RIPPLY2: variants seen among roughly 807,000 people sequenced by gnomAD.
RIPPLY2 encodes the protein protein ripply2.
RIPPLY2 carries 20 observed loss-of-function variants against 17.7 expected under a neutral mutation model. The ratio of observed to expected loss-of-function variants is 1.13; its 90% CI spans 0.79 to 1.64. The LOEUF is 1.64. Ranked by LOEUF, RIPPLY2 falls within the 40% of genes most tolerant of loss-of-function variation. RIPPLY2 has a pLI of 0.00. For missense variants in RIPPLY2, 213 were observed against 169.8 expected (o/e 1.25, Z -1.41); for synonymous variants, 69 against 63.9 (o/e 1.08, Z -0.38).
At chr6:83,855,191 A>T (rs1267061877) in intron 3 of RIPPLY2, 1 of 152,198 alleles carries the variant, frequency 6.6e-6, no homozygotes, top group Non-Finnish European at 1.5e-5. Context: ...TAGCAGGGTA[A>T]TCAGAGGCCA....
chr6:83,857,087 G>C (rs2099455093), intron 3 of RIPPLY2, 155 bp from the exon 4 acceptor site: 7 of 421,522 alleles, frequency 1.7e-5, no homozygotes, highest in Admixed American at 1.2e-4. Context: ...TTCCATGAAG[G>C]CTGTGATAGT....
At position 83,853,766 on chromosome 6, in the gene RIPPLY2, C is replaced by T; in HGVS notation, c.167C>T (p.Ala56Val). Reference protein sequence around the residue: ...KKEEETPNHAAEAMPDGPGMT... With the variant: ...KKEEETPNHAVEAMPDGPGMT... The stretch of plus-strand genomic sequence containing the variant: ...GAAGAGGAGACGCCGAACCACGCCG[C>T]GGAGGCGGTGAGTGAGCCACGCGTC... Residue 56 changes from alanine (A) to valine (V), a missense_variant, in exon 2 of 4, where the codon GCG becomes GTG. Coordinates refer to ENST00000369689, the MANE Select transcript of RIPPLY2 (RefSeq NM_001009994.3). The T allele has an allele frequency of 1.9e-6, 3 of 1,612,584 alleles. No homozygotes were observed. In the East Asian group the frequency reaches 6.7e-5, roughly 36 times the overall value.
In RIPPLY2 at chr6:83,853,751, C is replaced by T. The variant is rs778550422; in HGVS notation, c.152C>T (p.Thr51Met). 5 of 1,613,138 alleles carry T rather than the reference C, an allele frequency of 3.1e-6. No individual in the cohort carries two copies. Among genetic ancestry groups the T allele is most frequent in the East Asian group, 2.2e-5 (1 of 44,872 alleles). ...VDAGGKKEEE[T>M]PNHAAEAMPD... ...GCCGGAGGCAAGAAAGAAGAGGAGACGCCGAACCACGCCGCGGAGGCGGTG... is the reference window on the plus strand; with the variant it reads ...GCCGGAGGCAAGAAAGAAGAGGAGATGCCGAACCACGCCGCGGAGGCGGTG... Residue 51 changes from threonine to methionine, a missense_variant, in exon 2 of 4, where the codon ACG becomes ATG. Physicochemically the swap from Thr to Met is moderately conservative, Grantham distance 81 (BLOSUM62 -1). Transcript: ENST00000369689.
At chr6:83,853,615 G>A in intron 1 of RIPPLY2, 80 bp from the exon 2 acceptor site, 1 of 1,558,560 alleles carries the variant, frequency 6.4e-7, no homozygotes, top group African/African-American at 1.4e-5. Flanking sequence ...ACTGCCCGGT[G>A]CCAGCGCTCG....
At chr6:83,853,973 G>C (rs1588553137) in intron 2 of RIPPLY2, 124 bp from the exon 3 acceptor site, 1 of 1,098,644 alleles carries the variant, frequency 9.1e-7, no homozygotes, top group Non-Finnish European at 1.4e-6. Context: ...ACCCAGCCGG[G>C]AGCGAGGCTG....
chr6:83,854,297 T>C, intron 3 of RIPPLY2, 136 bp downstream of exon 3: 1 of 715,608 alleles, frequency 1.4e-6, no homozygotes, highest in Non-Finnish European at 2.5e-6. Context: ...CAAGGTTACT[T>C]ATCTTCTCAC....
Position 83,857,491 on chromosome 6 carries a change from A to G in RIPPLY2, c.*102A>G, listed in dbSNP as rs2099455178. The G allele has an allele frequency of 1.6e-6, 1 of 614,806 alleles. No individual in the cohort carries two copies. The allele number at this position is 614,806 out of a possible 1,614,324, so 38.1% of individuals were successfully genotyped here. A position where few individuals can be genotyped will look rare whatever the true frequency, so the allele number is the denominator to read the frequency against. ...AAACTAATTTATTTGTATATAAATT[A>G]TTAATAAAATGAAATATTTTGTAAT... On this transcript the variant is annotated 3_prime_UTR_variant, in exon 4 of 4. Transcript: ENST00000369689.
intron 2 of RIPPLY2, 82 bp from the exon 3 acceptor site, chr6:83,854,015 C>A: frequency 3.0e-6 from 4 of 1,353,008 alleles, no homozygotes; most frequent in African/African-American, 1.4e-5. Context: ...TCCCAGCGGG[C>A]ACGAGGAACA....
At chr6:83,855,157 A>C (rs2099454796) in intron 3 of RIPPLY2, 1 of 152,292 alleles carries the variant, frequency 6.6e-6, no homozygotes, top group Non-Finnish European at 1.5e-5. Context: ...CAAGGAGTTT[A>C]GGTGTGTGAA....
At chr6:83,854,192 G>T (rs375531731) in intron 3 of RIPPLY2, 31 bp downstream of exon 3, 154 of 1,586,168 alleles carry the variant, frequency 9.7e-5, no homozygotes, top group Non-Finnish European at 1.2e-4. Flanking sequence ...AAGGTCTCCC[G>T]CTCCTCCAGC....
rs1192735612 is a variant in RIPPLY2, at chr6:83,857,324, A to T, written c.322A>T (p.Thr108Ser). The change falls in exon 4 of 4, where the codon ACA becomes TCA. Residue 108 changes from threonine to serine, a missense_variant. Thr to Ser is a moderately conservative substitution (Grantham distance 58). Coordinates refer to ENST00000369689, the MANE Select transcript of RIPPLY2 (RefSeq NM_001009994.3). The part of the protein sequence containing the change: ...ALLKNFPIQA[T>S]ISFYEDSDSE... ...TCTGAAAAATTTTCCAATTCAAGCC[A>T]CAATTTCATTTTATGAAGATTCTGA... 6.3e-7 allele frequency: 1 copy of T among 1,582,978 alleles called. No individual in the cohort carries two copies. The highest frequency in any genetic ancestry group is 8.6e-7 in the Non-Finnish European group (1 of 1,169,496).
chr6:83,857,415 C>T lies in RIPPLY2; in HGVS notation c.*26C>T, dbSNP rs1350156099. On this transcript the variant is annotated 3_prime_UTR_variant, in exon 4 of 4. Coordinates refer to ENST00000369689, the MANE Select transcript of RIPPLY2 (RefSeq NM_001009994.3). ...TCTGATTAGCTACTTTTGATTATAT[C>T]CAAAGCTTGTGGGGTTTAAATTTAG... is the stretch of plus-strand genomic sequence containing the variant. 6 of 1,520,468 alleles carry T rather than the reference C, an allele frequency of 3.9e-6. No individual in the cohort carries two copies. The highest frequency in any genetic ancestry group is 5.3e-6 in the Non-Finnish European group (6 of 1,133,940). The allele number at this position is 1,520,468 out of a possible 1,614,324, so 94.2% of individuals were successfully genotyped here. A position where few individuals can be genotyped will look rare whatever the true frequency, so the allele number is the denominator to read the frequency against.
Position 83,853,502 on chromosome 6 carries a change from C to T in RIPPLY2, c.86C>T (p.Ala29Val). Residue 29 changes from alanine (A) to valine (V), a missense_variant, in exon 1 of 4, where the codon GCG becomes GTG. Transcript: ENST00000369689. ...ATDGPTRRAG[A>V]DSGYAGFWRP... Reference sequence around the variant, plus strand: ...GACGGCCCTACGCGGCGCGCGGGCGCGGACTCCGGGTAGGCTTCCCCGCGC... The same window carrying T: ...GACGGCCCTACGCGGCGCGCGGGCGTGGACTCCGGGTAGGCTTCCCCGCGC... 1 of 1,538,686 alleles carries T rather than the reference C, an allele frequency of 6.5e-7. No individual in the cohort carries two copies. Among genetic ancestry groups the T allele is most frequent in the South Asian group, 1.2e-5 (1 of 83,776 alleles).
chr6:83,855,571 T>C (rs947344992), intron 3 of RIPPLY2: 25 of 152,218 alleles, frequency 1.6e-4, no homozygotes, highest in African/African-American at 5.8e-4. Context: ...CGAAAACAGA[T>C]TTGGGAGGTG....
At position 83,853,470 on chromosome 6, in the gene RIPPLY2, G is replaced by A. The variant is rs1216886413; in HGVS notation, c.54G>A (p.Ala18=). 3 of 1,540,990 alleles carry A rather than the reference G, an allele frequency of 1.9e-6. No homozygotes were observed. Among genetic ancestry groups the A allele is most frequent in the Admixed American group, 2.0e-5 (1 of 50,440 alleles). The change falls in exon 1 of 4, where the codon GCG becomes GCA. Residue 18 remains alanine (A), a synonymous_variant. Transcript: ENST00000369689. The part of the protein sequence containing the change: ...EGTESGAAAC[A]ATDGPTRRAG... ...CAGAGAGTGGAGCTGCGGCGTGCGC[G>A]GCCACCGACGGCCCTACGCGGCGCG...
intron 3 of RIPPLY2, chr6:83,855,087 G>GA (rs1228875526): frequency 6.6e-6 from 1 of 152,332 alleles, no homozygotes; most frequent in Non-Finnish European, 1.5e-5. Flanking sequence ...GGGAGCAAAA[G>GA]AAATAGCATT....
At chr6:83,855,112 G>A (rs1391131603) in intron 3 of RIPPLY2, 3 of 152,244 alleles carry the variant, frequency 2.0e-5, no homozygotes, top group Non-Finnish European at 2.9e-5. Flanking sequence ...AAGAGAAGCA[G>A]GATCATGAAA....
At chr6:83,854,444 C>T (rs192288363) in intron 3 of RIPPLY2, 3 of 476,182 alleles carry the variant, frequency 6.3e-6, no homozygotes, top group Admixed American at 6.7e-5. Flanking sequence ...ACATCTTGTG[C>T]TGGCAAAACA....
In RIPPLY2 at chr6:83,853,739, AAGAAG is replaced by A. The variant is rs764116119; in HGVS notation, c.143_147del (p.Glu48GlyfsTer41). 6.2e-7 allele frequency: 1 copy of A among 1,613,680 alleles called. No individual in the cohort carries two copies. Among genetic ancestry groups the A allele is most frequent in the Non-Finnish European group, 8.5e-7 (1 of 1,179,950 alleles). On this transcript the variant is annotated frameshift_variant, in exon 2 of 4. Coordinates refer to ENST00000369689, the MANE Select transcript of RIPPLY2 (RefSeq NM_001009994.3). LOFTEE classifies it high-confidence loss of function. ...CCCTGGGTGGACGCCGGAGGCAAGA[AAGAAG>A]AGGAGACGCCGAACCACGCCGCGGA... is the stretch of plus-strand genomic sequence containing the variant.
Sources: gnomAD v4.1 joint callset for allele counts on GRCh38, gnomAD v4.1.1 for gene constraint, MANE v1.5 for transcripts, NCBI Gene and HGNC (gene_info 2026-07-23, HGNC 2026-07-21) for gene names.